Variants in ATP8B4 observed in about 807,000 individuals in gnomAD.
The protein encoded by ATP8B4 is probable phospholipid-transporting ATPase IM.
A neutral mutation model predicts 145.6 loss-of-function variants in ATP8B4; 133 were observed. The observed-to-expected ratio is 0.91, with a 90% confidence interval of 0.79 to 1.05. The LOEUF (loss-of-function observed/expected upper bound fraction) is 1.05. Ranked by LOEUF, ATP8B4 falls within the 50% of genes least tolerant of loss-of-function variation. The probability of loss-of-function intolerance (pLI) is 0.00; values close to 1 mark genes in which losing one functional copy is unlikely to be tolerated. For synonymous variants in ATP8B4, 507 were observed against 492.9 expected (o/e 1.03, Z -0.38); for missense variants, 1,458 against 1,425.2 (o/e 1.02, Z -0.37).
At chr15:49,924,515 A>G (rs1432258373) in intron 16 of ATP8B4, among the ~76,000 whole-genome samples, 1 of 152,232 alleles carries the variant, frequency 6.6e-6, no homozygotes, top group Non-Finnish European at 1.5e-5. Context: ...AAAGGTTAAC[A>G]TAAATGTTTA....
intron 2 of ATP8B4, among the ~76,000 whole-genome samples, chr15:50,082,983 T>C (rs2054651441): frequency 6.6e-6 from 1 of 152,120 alleles, no homozygotes; most frequent in Non-Finnish European, 1.5e-5. Context: ...TATAAGGAGA[T>C]GGTGGTGGTA....
At chr15:50,157,680 T>A (rs1355858650) in intron 1 of ATP8B4, among the ~76,000 whole-genome samples, 1 of 152,218 alleles carries the variant, frequency 6.6e-6, no homozygotes, top group African/African-American at 2.4e-5. Flanking sequence ...GAGATTGCAC[T>A]GAATCTGTAG....
Position 50,085,956 on chromosome 15 carries a change from TATATATTTATATATGATATATCAA to T in ATP8B4, c.29-11795_29-11772del, listed in dbSNP as rs1302228054. ...ATATATTTATATATGATATATATCA[TATATATTTATATATGATATATCAA>T]ATATATCATATATATTTATTATATA... On this transcript the variant is annotated intron_variant, in intron 2 of 27. Coordinates refer to ENST00000284509, the MANE Select transcript of ATP8B4 (RefSeq NM_024837.4). Among the ~76,000 whole-genome samples the T allele has an allele frequency of 2.3e-3, 65 of 27,958 alleles. 2 individuals are homozygous for T. The East Asian group carries it at 0.1, about 45-fold the overall frequency. 18.3% of individuals were successfully genotyped at this position (27,958 alleles called of 152,430 possible). A position where few individuals can be genotyped will look rare whatever the true frequency, so the allele number is the denominator to read the frequency against.
intron 13 of ATP8B4, among the ~76,000 whole-genome samples, chr15:49,968,059 C>A (rs2044716651): frequency 6.6e-6 from 1 of 152,134 alleles, no homozygotes. Context: ...AACGCCTTTA[C>A]AGACAAGGAA....
At chr15:49,897,591 T>C in intron 22 of ATP8B4, 76 bp from the exon 23 acceptor site, 1 of 1,280,894 alleles carries the variant, frequency 7.8e-7, no homozygotes, top group Non-Finnish European at 1.0e-6. Flanking sequence ...ATTCCTCTTT[T>C]ATTTACGGAA....
intron 14 of ATP8B4, among the ~76,000 whole-genome samples, chr15:49,940,169 G>C (rs1166744093): frequency 6.6e-6 from 1 of 152,106 alleles, no homozygotes; most frequent in East Asian, 1.9e-4. Flanking sequence ...CAATGGACTG[G>C]ATAAAGAAAA....
At chr15:50,081,119 A>AG (rs1395015609) in intron 2 of ATP8B4, among the ~76,000 whole-genome samples, 1 of 151,192 alleles carries the variant, frequency 6.6e-6, no homozygotes, top group Non-Finnish European at 1.5e-5. Context: ...TCTCAAGAAA[A>AG]AAAAAAAAAA....
intron 23 of ATP8B4, among the ~76,000 whole-genome samples, chr15:49,883,933 G>A (rs1251283539): frequency 6.6e-6 from 1 of 152,170 alleles, no homozygotes; most frequent in East Asian, 1.9e-4. Flanking sequence ...TCATGAGTCT[G>A]TATGATATGT....
intron 20 of ATP8B4, among the ~76,000 whole-genome samples, chr15:49,907,480 G>A (rs182119759): frequency 2.6e-5 from 4 of 152,232 alleles, no homozygotes; most frequent in Non-Finnish European, 4.4e-5. Context: ...CCTTATTGGG[G>A]AAATAGTTAC....
intron 1 of ATP8B4, among the ~76,000 whole-genome samples, chr15:50,144,255 G>T (rs1297545881): frequency 6.6e-6 from 1 of 152,190 alleles, no homozygotes; most frequent in African/African-American, 2.4e-5. Context: ...AAATGCAAAG[G>T]AGGGGAAGAG....
chr15:50,051,233 C>T (rs2052163372), intron 3 of ATP8B4, among the ~76,000 whole-genome samples: 2 of 152,152 alleles, frequency 1.3e-5, no homozygotes, highest in Non-Finnish European at 2.9e-5. Context: ...CTCCTTGTTG[C>T]CTCCATGTGA....
chr15:50,009,387 T>C (rs181408368), intron 7 of ATP8B4: 38 of 157,186 alleles, frequency 2.4e-4, no homozygotes, highest in Non-Finnish European at 4.2e-4. Flanking sequence ...GGCAAATCAA[T>C]AGGTGCTTTG....
intron 2 of ATP8B4, among the ~76,000 whole-genome samples, chr15:50,091,761 T>A (rs2055625927): frequency 6.6e-6 from 1 of 152,138 alleles, no homozygotes; most frequent in African/African-American, 2.4e-5. Flanking sequence ...AATCACCTAA[T>A]AACTATAAAA....
At chr15:50,076,530 C>G (rs1042777467) in intron 2 of ATP8B4, among the ~76,000 whole-genome samples, 1 of 151,964 alleles carries the variant, frequency 6.6e-6, no homozygotes, top group African/African-American at 2.4e-5. Flanking sequence ...ACCATCCTGT[C>G]CAGCATCTCC....
intron 16 of ATP8B4, among the ~76,000 whole-genome samples, chr15:49,928,763 T>A (rs1282150274): frequency 6.6e-6 from 1 of 152,086 alleles, no homozygotes; most frequent in Non-Finnish European, 1.5e-5. Flanking sequence ...GCCATTTTAA[T>A]AAATATTATT....
chr15:49,931,431 T>C (rs2041245057), intron 15 of ATP8B4, 124 bp from the exon 16 acceptor site: 2 of 917,546 alleles, frequency 2.2e-6, no homozygotes, highest in Admixed American at 5.6e-5. Context: ...ATCTTTCCTG[T>C]CCTCAGATCT....
chr15:50,158,963 A>G (rs892234368), intron 1 of ATP8B4, among the ~76,000 whole-genome samples: 3 of 152,230 alleles, frequency 2.0e-5, no homozygotes, highest in African/African-American at 7.2e-5. Context: ...GGACACAAAC[A>G]CTGCGGAAGG....
At chr15:50,116,914 T>A (rs879581945) in intron 1 of ATP8B4, among the ~76,000 whole-genome samples, 1 of 152,140 alleles carries the variant, frequency 6.6e-6, no homozygotes, top group Non-Finnish European at 1.5e-5. Flanking sequence ...ATTTGAAATA[T>A]ATAATGTTGC....
At chr15:49,922,486 C>A in intron 17 of ATP8B4, 4 of 379,742 alleles carry the variant, frequency 1.1e-5, no homozygotes, top group African/African-American at 2.2e-5. Flanking sequence ...TATTACCAAA[C>A]CATCATTTTT....
Sources: gnomAD v4.1 joint callset for allele counts (sites outside exome capture counted in the v4.1 genomes callset) on GRCh38, gnomAD v4.1.1 for gene constraint, MANE v1.5 for transcripts, NCBI Gene and HGNC (gene_info 2026-07-23, HGNC 2026-07-21) for gene names.